OPCML: variants seen among roughly 807,000 people sequenced by gnomAD.
OPCML encodes opioid binding protein/cell adhesion molecule like, also known as opioid-binding protein/cell adhesion molecule.
In OPCML, 13 loss-of-function variants were observed where a neutral mutation model predicts 37.8. That is an observed-to-expected ratio of 0.34 (90% confidence interval 0.22 to 0.55). The LOEUF (loss-of-function observed/expected upper bound fraction) is 0.55. Among genes scored for constraint, OPCML ranks in the 20% least tolerant of loss-of-function variants. The pLI is 0.91. For synonymous variants in OPCML, 176 were observed against 168.8 expected (o/e 1.04, Z -0.33); for missense variants, 341 against 435.6 (o/e 0.78, Z 1.93).
intron 1 of OPCML, among the ~76,000 whole-genome samples, chr11:133,432,198 G>A (rs150368337): frequency 3.3e-4 from 50 of 152,108 alleles, no homozygotes; most frequent in East Asian, 9.7e-4. Context: ...ACCGCAACAC[G>A]CAATTTACCC....
intron 3 of OPCML, among the ~76,000 whole-genome samples, chr11:132,626,074 A>G (rs974508215): frequency 6.6e-6 from 1 of 151,934 alleles, no homozygotes; most frequent in Non-Finnish European, 1.5e-5. Flanking sequence ...CCTTTCCTCA[A>G]GGAGCTTGCA....
intron 1 of OPCML, among the ~76,000 whole-genome samples, chr11:133,351,128 G>C (rs892178323): frequency 6.6e-6 from 1 of 152,150 alleles, no homozygotes; most frequent in East Asian, 1.9e-4. Context: ...TGGCTTTCCC[G>C]CGATTTGCCA....
intron 1 of OPCML, among the ~76,000 whole-genome samples, chr11:132,994,919 A>G (rs890001088): frequency 6.6e-6 from 1 of 152,214 alleles, no homozygotes; most frequent in Non-Finnish European, 1.5e-5. Flanking sequence ...GGAGTTGAAT[A>G]CTGTTATTGT....
At chr11:133,017,195 G>A (rs1421442005) in intron 1 of OPCML, among the ~76,000 whole-genome samples, 3 of 151,920 alleles carry the variant, frequency 2.0e-5, no homozygotes, top group East Asian at 1.9e-4. Flanking sequence ...TTTTATAAGC[G>A]CACTAATCCC....
chr11:132,416,702 C>T lies in OPCML; in HGVS notation c.*3491G>A, dbSNP rs965061509. ...GGCCTCTTTGTGACACAACACCTTA[C>T]CTTTTCTTCTGTTTCGTGGAGCACA... On this transcript the variant is annotated 3_prime_UTR_variant, in exon 8 of 8. Coordinates refer to ENST00000524381, the MANE Select transcript of OPCML (RefSeq NM_001012393.5). 6.6e-6 allele frequency: 1 copy of T among 152,208 alleles called. No homozygotes were observed. Among genetic ancestry groups the T allele is most frequent in the Non-Finnish European group, 1.5e-5 (1 of 68,042 alleles). The allele number at this position is 152,208 out of a possible 1,614,324, so 9.4% of individuals were successfully genotyped here.
intron 2 of OPCML, among the ~76,000 whole-genome samples, chr11:132,922,907 C>A (rs554726510): frequency 7.9e-5 from 12 of 151,696 alleles, no homozygotes; most frequent in African/African-American, 2.9e-4. Flanking sequence ...CATCTCTACA[C>A]GTTTTTGTTT....
At chr11:133,121,179 A>G (rs908365600) in intron 1 of OPCML, among the ~76,000 whole-genome samples, 14 of 152,292 alleles carry the variant, frequency 9.2e-5, no homozygotes, top group African/African-American at 1.2e-4. Flanking sequence ...TTGGGCGCCC[A>G]AAGTGCTGAG....
At chr11:132,912,299 A>T (rs1022043668) in intron 2 of OPCML, among the ~76,000 whole-genome samples, 1 of 152,230 alleles carries the variant, frequency 6.6e-6, no homozygotes, top group African/African-American at 2.4e-5. Context: ...GTACGTTGCA[A>T]ATTCAATAGG....
At chr11:133,101,744 T>C (rs145090162) in intron 1 of OPCML, among the ~76,000 whole-genome samples, 3 of 152,322 alleles carry the variant, frequency 2.0e-5, no homozygotes, top group African/African-American at 7.2e-5. Context: ...TGAAAACTTA[T>C]GCCCATAAAA....
At chr11:133,114,638 C>T (rs1199790776) in intron 1 of OPCML, among the ~76,000 whole-genome samples, 1 of 152,150 alleles carries the variant, frequency 6.6e-6, no homozygotes, top group African/African-American at 2.4e-5. Context: ...TCCATTTTCC[C>T]CTATCCAATG....
intron 1 of OPCML, among the ~76,000 whole-genome samples, chr11:133,296,007 T>C (rs945820289): frequency 6.6e-6 from 1 of 152,232 alleles, no homozygotes; most frequent in Non-Finnish European, 1.5e-5. Flanking sequence ...TATATGAGAA[T>C]CATGATTTTA....
At chr11:132,442,163 G>A (rs1447273653) in intron 4 of OPCML, among the ~76,000 whole-genome samples, 1 of 152,162 alleles carries the variant, frequency 6.6e-6, no homozygotes, top group Non-Finnish European at 1.5e-5. Flanking sequence ...CAATCTCATG[G>A]GGCCAGGACT....
At chr11:132,804,752 G>A (rs1233959859) in intron 2 of OPCML, among the ~76,000 whole-genome samples, 1 of 152,156 alleles carries the variant, frequency 6.6e-6, no homozygotes. Context: ...AGTTAGACCA[G>A]TGTGATCAGC....
At chr11:133,408,655 C>T (rs1402434739) in intron 1 of OPCML, among the ~76,000 whole-genome samples, 1 of 152,134 alleles carries the variant, frequency 6.6e-6, no homozygotes, top group Non-Finnish European at 1.5e-5. Context: ...CCCACACTCA[C>T]TCAGACTGGG....
rs541864144 is a variant in OPCML at position 132,664,956 on chromosome 11, G to T, written c.147-7637C>A. Among the ~76,000 whole-genome samples, 7 of 152,280 alleles carry T rather than the reference G, an allele frequency of 4.6e-5. 1 individual carries two copies. The highest frequency in any genetic ancestry group is 3.3e-4 in the Admixed American group (5 of 15,298). On this transcript the variant is annotated intron_variant, in intron 2 of 7. Transcript: ENST00000524381. ...TACAGCACAAAAATATTTCAGTAGT[G>T]CAACGGGTTGACTTTGAAATCTGAC...
chr11:132,848,249 A>G (rs895886334), intron 2 of OPCML, among the ~76,000 whole-genome samples: 1 of 152,224 alleles, frequency 6.6e-6, no homozygotes, highest in African/African-American at 2.4e-5. Context: ...TTATACTGCT[A>G]TTCTACAAGT....
intron 2 of OPCML, among the ~76,000 whole-genome samples, chr11:132,684,213 C>T (rs956168061): frequency 6.6e-6 from 1 of 152,234 alleles, no homozygotes; most frequent in East Asian, 1.9e-4. Flanking sequence ...AAGTTAGCTC[C>T]TGCTATACTA....
chr11:133,094,936 T>C (rs1948974734), intron 1 of OPCML, among the ~76,000 whole-genome samples: 1 of 152,112 alleles, frequency 6.6e-6, no homozygotes, highest in South Asian at 2.1e-4. Context: ...AATAGCAGGT[T>C]TGAGCAAATA....
At chr11:133,313,827 T>A (rs1205366953) in intron 1 of OPCML, among the ~76,000 whole-genome samples, 3 of 152,218 alleles carry the variant, frequency 2.0e-5, no homozygotes, top group Non-Finnish European at 4.4e-5. Flanking sequence ...AAAACATTTA[T>A]GTTGTTTTAA....
Sources: allele counts gnomAD v4.1 joint callset (sites outside exome capture counted in the v4.1 genomes callset), GRCh38; gene constraint gnomAD v4.1.1; transcripts MANE v1.5; gene names NCBI Gene and HGNC (gene_info 2026-07-23, HGNC 2026-07-21).